The following ITGA9 variants were observed in gnomAD, a reference collection of about 807,000 sequenced individuals.
The protein encoded by ITGA9 is integrin subunit alpha 9, also known as integrin alpha-9.
Under a neutral mutation model 127.8 loss-of-function variants are expected in ITGA9, and 56 were observed. The observed-to-expected ratio is 0.44, with a 90% CI of 0.35 to 0.55. The LOEUF is 0.55. ITGA9 is among the 20% of genes least tolerant of loss of function. The probability of loss-of-function intolerance (pLI) is 0.00; values close to 1 mark genes in which losing one functional copy is unlikely to be tolerated. For synonymous variants in ITGA9, 508 were observed against 514.5 expected (o/e 0.99, Z 0.17); for missense variants, 1,196 against 1,347.1 (o/e 0.89, Z 1.76).
intron 16 of ITGA9, among the ~76,000 whole-genome samples, chr3:37,634,553 A>C (rs1485484958): frequency 1.3e-5 from 2 of 152,212 alleles, no homozygotes; most frequent in African/African-American, 4.8e-5. Flanking sequence ...AGGACATAAC[A>C]ATTGTAAATA....
chr3:37,555,061 T>C (rs990602462), intron 15 of ITGA9, among the ~76,000 whole-genome samples: 24 of 152,238 alleles, frequency 1.6e-4, no homozygotes. Context: ...CTGTGGACAC[T>C]CCAACACTAA....
intron 23 of ITGA9, among the ~76,000 whole-genome samples, chr3:37,776,137 C>G (rs1696904461): frequency 6.6e-6 from 1 of 152,108 alleles, no homozygotes; most frequent in Non-Finnish European, 1.5e-5. Context: ...ATTATGAGAA[C>G]TCATGAACAC....
intron 16 of ITGA9, among the ~76,000 whole-genome samples, chr3:37,645,087 CA>C (rs1450488746): frequency 2.7e-5 from 4 of 150,942 alleles, no homozygotes; most frequent in Non-Finnish European, 4.4e-5. Context: ...TATATGAATA[CA>C]AAAAAAAATT....
intron 4 of ITGA9, among the ~76,000 whole-genome samples, chr3:37,481,893 C>A (rs549288524): frequency 6.6e-6 from 1 of 152,346 alleles, no homozygotes; most frequent in South Asian, 2.1e-4. Flanking sequence ...CCGAAATTCA[C>A]CAAGCCTCAG....
At chr3:37,502,342 G>C (rs1308607249) in intron 5 of ITGA9, among the ~76,000 whole-genome samples, 1 of 151,246 alleles carries the variant, frequency 6.6e-6, no homozygotes. Flanking sequence ...AGCCTCCTGA[G>C]TAGCTGGGAT....
chr3:37,785,166 G>C, intron 26 of ITGA9, 88 bp downstream of exon 26: 1 of 922,714 alleles, frequency 1.1e-6, no homozygotes, highest in Non-Finnish European at 1.8e-6. Context: ...TGAGGGTCAA[G>C]ACAGTCTCTG....
intron 15 of ITGA9, among the ~76,000 whole-genome samples, chr3:37,590,878 C>T (rs1057132791): frequency 6.6e-6 from 1 of 152,192 alleles, no homozygotes; most frequent in African/African-American, 2.4e-5. Flanking sequence ...AGATGCAGGG[C>T]ACCCTGCAGC....
At chr3:37,763,738 C>T (rs1190823979) in intron 23 of ITGA9, among the ~76,000 whole-genome samples, 4 of 152,226 alleles carry the variant, frequency 2.6e-5, no homozygotes, top group African/African-American at 9.6e-5. Context: ...GCACTTTAAA[C>T]AGCCCAGCAA....
At chr3:37,503,833 T>C (rs774535352) in intron 6 of ITGA9, among the ~76,000 whole-genome samples, 2 of 152,256 alleles carry the variant, frequency 1.3e-5, no homozygotes, top group Non-Finnish European at 2.9e-5. Context: ...CACAATTTAA[T>C]GTAGCTATCA....
At chr3:37,636,913 T>C (rs576291403) in intron 16 of ITGA9, among the ~76,000 whole-genome samples, 79 of 152,198 alleles carry the variant, frequency 5.2e-4, no homozygotes, top group South Asian at 2.5e-3. Flanking sequence ...TGCTTGTTTT[T>C]GTCAGGTTTG....
intron 15 of ITGA9, among the ~76,000 whole-genome samples, chr3:37,601,365 C>T (rs938580167): frequency 7.9e-5 from 12 of 152,136 alleles, no homozygotes; most frequent in Admixed American, 6.5e-4. Flanking sequence ...CCTTCAGCTG[C>T]AAAGAACACA....
intron 15 of ITGA9, among the ~76,000 whole-genome samples, chr3:37,606,641 G>A (rs1166081516): frequency 6.6e-6 from 1 of 152,138 alleles, no homozygotes; most frequent in African/African-American, 2.4e-5. Context: ...GGACAGTTAT[G>A]GGGGATTGCT....
At chr3:37,767,914 T>C (rs757245305) in intron 23 of ITGA9, among the ~76,000 whole-genome samples, 9 of 152,212 alleles carry the variant, frequency 5.9e-5, no homozygotes, top group Non-Finnish European at 8.8e-5. Context: ...AAATTAGCCA[T>C]GTTCATATTA....
rs1448084118 is a variant in ITGA9, at chr3:37,542,598, C to T, written c.1689+13C>T. ...GGCCCATGTGAAGGTCAGTCCTCTC[C>T]TCCTTTTTATCCTCAAACTTTGATC... is the stretch of plus-strand genomic sequence containing the variant. On this transcript the variant is annotated intron_variant, in intron 15 of 27. Coordinates refer to ENST00000264741, the MANE Select transcript of ITGA9 (RefSeq NM_002207.3). 3.1e-6 allele frequency: 5 copies of T among 1,613,838 alleles called. No homozygotes were observed. Among genetic ancestry groups the T allele is most frequent in the Non-Finnish European group, 4.2e-6 (5 of 1,179,786 alleles).
chr3:37,505,827 G>A (rs1381316776), intron 6 of ITGA9, among the ~76,000 whole-genome samples, 173 bp from the exon 7 acceptor site: 1 of 152,210 alleles, frequency 6.6e-6, no homozygotes. Flanking sequence ...ATGACTTTTT[G>A]TGAGATGAGA....
At chr3:37,760,560 G>T (rs75494173) in intron 23 of ITGA9, among the ~76,000 whole-genome samples, 1 of 152,100 alleles carries the variant, frequency 6.6e-6, no homozygotes, top group Admixed American at 6.5e-5. Context: ...ATGAAATATC[G>T]TTCCAAAACA....
rs376010842 is a variant in ITGA9, at chr3:37,542,547, A to G, written c.1651A>G (p.Met551Val). The G allele has an allele frequency of 5.0e-6, 8 of 1,614,062 alleles. No homozygotes were observed. In the South Asian group the frequency reaches 5.5e-5, roughly 11 times the overall value. The change falls in exon 15 of 28, where the codon ATG (methionine) becomes GTG (valine). Residue 551 changes from methionine (M) to valine (V), a missense_variant. Transcript: ENST00000264741. ...QVTEKLQLTY[M>V]EETCRHYVAH... ...CACAGAGAAGCTGCAGCTGACTTAC[A>G]TGGAGGAGACGTGTCGTCACTATGT...
chr3:37,639,343 C>T (rs554802714), intron 16 of ITGA9, among the ~76,000 whole-genome samples: 1 of 152,144 alleles, frequency 6.6e-6, no homozygotes. Flanking sequence ...GAATAATTTA[C>T]AAAGTGAGAT....
At chr3:37,552,815 G>A (rs1699391490) in intron 15 of ITGA9, among the ~76,000 whole-genome samples, 2 of 152,106 alleles carry the variant, frequency 1.3e-5, no homozygotes, top group South Asian at 2.1e-4. Flanking sequence ...GGGAGTTCAA[G>A]ACCAGCCTGG....
Sources: allele counts gnomAD v4.1 joint callset (sites outside exome capture counted in the v4.1 genomes callset), GRCh38; gene constraint gnomAD v4.1.1; transcripts MANE v1.5; gene names NCBI Gene and HGNC (gene_info 2026-07-23, HGNC 2026-07-21).